GATAD2B: variants seen among roughly 807,000 people sequenced by gnomAD.
The protein encoded by GATAD2B is GATA zinc finger domain containing 2B.
Under a neutral mutation model 64.3 loss-of-function variants are expected in GATAD2B, and 8 were observed. The observed-to-expected ratio is 0.12, with a 90% CI of 0.07 to 0.22. The LOEUF is 0.22. Ranked by LOEUF, GATAD2B falls within the 10% of genes least tolerant of loss-of-function variation. The pLI is 1.00. For synonymous variants in GATAD2B, 281 were observed against 271.3 expected, an observed-to-expected ratio of 1.04 and a Z score of -0.35; for missense variants, 453 against 752.0, an observed-to-expected ratio of 0.60 and a Z score of 4.65.
chr1:153,867,349 T>C (rs1053304201), intron 1 of GATAD2B, among the ~76,000 whole-genome samples: 3 of 152,060 alleles, frequency 2.0e-5, no homozygotes, highest in Non-Finnish European at 4.4e-5. Context: ...GAAATAAATT[T>C]GGCAAATCAG....
chr1:153,852,758 G>C, intron 1 of GATAD2B: 1 of 931,196 alleles, frequency 1.1e-6, no homozygotes, highest in Non-Finnish European at 1.8e-6. Context: ...TTGGTAGACA[G>C]GGATCCCAGT....
intron 2 of GATAD2B, among the ~76,000 whole-genome samples, chr1:153,827,202 A>G (rs1276645601): frequency 6.7e-6 from 1 of 148,294 alleles, no homozygotes; most frequent in Non-Finnish European, 1.5e-5. Flanking sequence ...GTATCAGGCC[A>G]CTCACTACAC....
At chr1:153,914,538 T>C (rs942759102) in intron 1 of GATAD2B, 1 of 152,222 alleles carries the variant, frequency 6.6e-6, no homozygotes, top group African/African-American at 2.4e-5. Context: ...TCTAAATTTA[T>C]GCTGCATTTT....
intron 1 of GATAD2B, among the ~76,000 whole-genome samples, chr1:153,877,166 C>T (rs1676862540): frequency 6.6e-6 from 1 of 152,138 alleles, no homozygotes; most frequent in Non-Finnish European, 1.5e-5. Context: ...GAGCCTCTGT[C>T]TCTACCAAAA....
In GATAD2B at chr1:153,806,050, T is replaced by C. The variant is rs1049415652; in HGVS notation, c.*4127A>G. 3 of 152,220 alleles carry C rather than the reference T, an allele frequency of 2.0e-5. No homozygotes were observed. Among genetic ancestry groups the C allele is most frequent in the African/African-American group, 7.2e-5 (3 of 41,462 alleles). 9.4% of individuals were successfully genotyped at this position (152,220 alleles called of 1,614,324 possible). ...CCATAAGACTAGGTTCTTTCTTTTT[T>C]GAGGAGGTGGGGTGGGGGAAATCCC... is the stretch of plus-strand genomic sequence containing the variant. On this transcript the variant is annotated 3_prime_UTR_variant, in exon 11 of 11. Transcript: ENST00000368655.
intron 1 of GATAD2B, among the ~76,000 whole-genome samples, chr1:153,835,132 A>G (rs12727275): frequency 0.18 from 26,760 of 151,958 alleles, 3,122 homozygotes; most frequent in Non-Finnish European, 0.26. Flanking sequence ...CAAACAAAAA[A>G]CAAAAATTTG....
At chr1:153,833,436 G>A (rs147725836) in intron 1 of GATAD2B, among the ~76,000 whole-genome samples, 1 of 152,138 alleles carries the variant, frequency 6.6e-6, no homozygotes, top group Non-Finnish European at 1.5e-5. Context: ...GATGAACAAG[G>A]AGATTAATGT....
At chr1:153,852,507 T>G in intron 1 of GATAD2B, 1 of 765,102 alleles carries the variant, frequency 1.3e-6, no homozygotes, top group South Asian at 1.3e-5. Flanking sequence ...CTCTGCACAG[T>G]GGGACTCATC....
At chr1:153,854,837 C>T (rs1045334737) in intron 1 of GATAD2B, among the ~76,000 whole-genome samples, 3 of 152,050 alleles carry the variant, frequency 2.0e-5, no homozygotes, top group Admixed American at 6.6e-5. Context: ...GTTACCTTAC[C>T]GTAGGGATCA....
intron 1 of GATAD2B, among the ~76,000 whole-genome samples, chr1:153,902,745 C>T (rs1677817564): frequency 6.6e-6 from 1 of 152,152 alleles, no homozygotes; most frequent in Non-Finnish European, 1.5e-5. Context: ...TGTGAGCCAC[C>T]AAGCCCAGCT....
chr1:153,914,933 A>C (rs969937517), intron 1 of GATAD2B, among the ~76,000 whole-genome samples: 3 of 151,000 alleles, frequency 2.0e-5, no homozygotes, highest in Non-Finnish European at 4.4e-5. Flanking sequence ...TTTCAAAAGA[A>C]AAAAAAAAGG....
intron 1 of GATAD2B, among the ~76,000 whole-genome samples, chr1:153,880,256 G>A (rs1305537902): frequency 1.3e-5 from 2 of 151,956 alleles, no homozygotes; most frequent in African/African-American, 2.4e-5. Flanking sequence ...GAGGTCAGGA[G>A]ATCGAGACCA....
Position 153,891,449 on chromosome 1 carries a change from A to AATCCCAGCTAC in GATAD2B, c.-2+31273_-2+31283dup, listed in dbSNP as rs1236319231. On this transcript the variant is annotated intron_variant, in intron 1 of 10. Coordinates refer to ENST00000368655, the MANE Select transcript of GATAD2B (RefSeq NM_020699.4). ...CTAGGTGTGGTGGCGGGCACCTGTAAATCCCAGCTACTTGGGAGGTTGAGG... is the reference window on the plus strand; with the variant it reads ...CTAGGTGTGGTGGCGGGCACCTGTAAATCCCAGCTACATCCCAGCTACTTGGGAGGTTGAGG... Among the ~76,000 whole-genome samples, 5 of 149,868 alleles carry AATCCCAGCTAC rather than the reference A, an allele frequency of 3.3e-5. No individual in the cohort carries two copies. In the Admixed American group the frequency reaches 3.3e-4, roughly 10 times the overall value.
At chr1:153,878,763 A>C (rs1176553093) in intron 1 of GATAD2B, among the ~76,000 whole-genome samples, 1 of 143,560 alleles carries the variant, frequency 7.0e-6, no homozygotes, top group African/African-American at 2.6e-5. Context: ...AGTGTGACCC[A>C]TACTTTATTC....
intron 2 of GATAD2B, among the ~76,000 whole-genome samples, chr1:153,823,639 T>C (rs1674760826): frequency 6.6e-6 from 1 of 151,902 alleles, no homozygotes; most frequent in African/African-American, 2.4e-5. Flanking sequence ...CATGCACCAC[T>C]GCACCCAGCC....
At chr1:153,851,976 T>C (rs1032954283) in intron 1 of GATAD2B, 3 of 319,610 alleles carry the variant, frequency 9.4e-6, no homozygotes, top group East Asian at 6.0e-5. Context: ...GAAATAACTA[T>C]AATTGAGGGC....
At chr1:153,876,004 G>A (rs747040703) in intron 1 of GATAD2B, among the ~76,000 whole-genome samples, 3 of 151,764 alleles carry the variant, frequency 2.0e-5, no homozygotes, top group Admixed American at 6.6e-5. Context: ...CAAAGCAGGC[G>A]GATCATGAGG....
At chr1:153,869,275 G>A (rs138649459) in intron 1 of GATAD2B, among the ~76,000 whole-genome samples, 2,470 of 131,662 alleles carry the variant, frequency 0.019, 33 homozygotes, top group Non-Finnish European at 0.027. Flanking sequence ...CCAGGCGACA[G>A]AGCAAGACTA....
At chr1:153,850,740 G>C (rs1193439927) in intron 1 of GATAD2B, among the ~76,000 whole-genome samples, 8 of 152,024 alleles carry the variant, frequency 5.3e-5, no homozygotes, top group Non-Finnish European at 1.0e-4. Flanking sequence ...GGCCAACATA[G>C]TGAAACTTCG....
Sources: gnomAD v4.1 joint callset for allele counts (sites outside exome capture counted in the v4.1 genomes callset) on GRCh38, gnomAD v4.1.1 for gene constraint, MANE v1.5 for transcripts, NCBI Gene and HGNC (gene_info 2026-07-23, HGNC 2026-07-21) for gene names.